The following PDE4D variants were observed in gnomAD, a reference collection of about 807,000 sequenced individuals.
PDE4D encodes the protein 3',5'-cyclic-AMP phosphodiesterase 4D.
PDE4D carries 24 observed loss-of-function variants against 87.4 expected under a neutral mutation model. The observed-to-expected ratio is 0.27, with a 90% confidence interval of 0.20 to 0.39. The LOEUF is 0.39. Ranked by LOEUF, PDE4D falls within the 10% of genes least tolerant of loss-of-function variation. The probability of loss-of-function intolerance (pLI) is 1.00; values close to 1 mark genes in which losing one functional copy is unlikely to be tolerated. For missense variants in PDE4D, 714 were observed against 1,041.0 expected, an observed-to-expected ratio of 0.69 and a Z score of 4.32; for synonymous variants, 384 against 383.2, an observed-to-expected ratio of 1.00 and a Z score of -0.02.
At chr5:59,660,889 A>T (rs1433718172) in intron 1 of PDE4D, among the ~76,000 whole-genome samples, 1 of 151,968 alleles carries the variant, frequency 6.6e-6, no homozygotes, top group Non-Finnish European at 1.5e-5. Flanking sequence ...AGCTATTTTT[A>T]AAAATACCAC....
At chr5:59,233,374 A>G (rs1297617931) in intron 1 of PDE4D, among the ~76,000 whole-genome samples, 1 of 152,220 alleles carries the variant, frequency 6.6e-6, no homozygotes, top group East Asian at 1.9e-4. Context: ...CTGAAGCAAA[A>G]TGACATTTTG....
At chr5:60,403,331 T>C (rs1293236682) in intron 1 of PDE4D, among the ~76,000 whole-genome samples, 1 of 152,230 alleles carries the variant, frequency 6.6e-6, no homozygotes, top group East Asian at 1.9e-4. Flanking sequence ...TGAGGTTGAA[T>C]AAGAGACTTT....
At chr5:58,987,646 A>C (rs111422550) in intron 11 of PDE4D, among the ~76,000 whole-genome samples, 1 of 5,504 alleles carries the variant, frequency 1.8e-4, no homozygotes, top group Non-Finnish European at 6.0e-4. Flanking sequence ...CAAAAATGAA[A>C]GAAAGGTGGA....
intron 1 of PDE4D, among the ~76,000 whole-genome samples, chr5:60,445,687 G>A (rs1745590035): frequency 6.6e-6 from 1 of 152,042 alleles, no homozygotes; most frequent in African/African-American, 2.4e-5. Context: ...TAAAGTTCCA[G>A]TTATGTAAAA....
chr5:60,002,970 T>C (rs1392839748), intron 2 of PDE4D, among the ~76,000 whole-genome samples: 2 of 152,110 alleles, frequency 1.3e-5, no homozygotes, highest in East Asian at 3.9e-4. Context: ...CAAATTAGAT[T>C]TGCAGATGAC....
At chr5:60,485,814 A>G (rs777260616) in intron 1 of PDE4D, among the ~76,000 whole-genome samples, 1 of 152,200 alleles carries the variant, frequency 6.6e-6, no homozygotes, top group Admixed American at 6.5e-5. Flanking sequence ...TTCACAAGTA[A>G]GAGATATGAC....
chr5:59,520,000 A>G (rs1811905880), intron 1 of PDE4D, among the ~76,000 whole-genome samples: 1 of 152,126 alleles, frequency 6.6e-6, no homozygotes, highest in Non-Finnish European at 1.5e-5. Context: ...GGTACCTCAC[A>G]CCTGTAATCC....
intron 1 of PDE4D, among the ~76,000 whole-genome samples, chr5:59,327,132 T>TAC (rs3061651): frequency 0.086 from 12,221 of 141,692 alleles, 572 homozygotes; most frequent in South Asian, 0.2. Context: ...GAAACAGAAA[T>TAC]ACACACACAC....
intron 1 of PDE4D, among the ~76,000 whole-genome samples, chr5:59,732,301 G>T (rs189584820): frequency 2.2e-4 from 33 of 151,704 alleles, no homozygotes; most frequent in Non-Finnish European, 4.0e-4. Flanking sequence ...CTGAAAACCT[G>T]TACATTAATC....
At chr5:59,249,645 T>C (rs1759533036) in intron 1 of PDE4D, among the ~76,000 whole-genome samples, 1 of 152,076 alleles carries the variant, frequency 6.6e-6, no homozygotes, top group African/African-American at 2.4e-5. Context: ...TTAAGTGATA[T>C]GGAAAAATGC....
At chr5:60,483,340 T>C (rs981751147) in intron 1 of PDE4D, among the ~76,000 whole-genome samples, 1 of 152,180 alleles carries the variant, frequency 6.6e-6, no homozygotes, top group African/African-American at 2.4e-5. Flanking sequence ...AGAAAATTAA[T>C]ATATTTCTAC....
intron 1 of PDE4D, among the ~76,000 whole-genome samples, chr5:59,539,748 A>G (rs1815960397): frequency 6.6e-6 from 1 of 152,164 alleles, no homozygotes; most frequent in Admixed American, 6.6e-5. Context: ...TTCAAAAATA[A>G]CAAAAATAAC....
At chr5:59,602,224 T>G (rs1168179525) in intron 1 of PDE4D, among the ~76,000 whole-genome samples, 2 of 152,038 alleles carry the variant, frequency 1.3e-5, no homozygotes, top group Non-Finnish European at 2.9e-5. Flanking sequence ...TGAACATCCT[T>G]TCATAATAAA....
rs555586235 is a variant in PDE4D, at chr5:59,639,411, GAAAAGACT to G, written c.455+253749_455+253756del. Among the ~76,000 whole-genome samples the G allele has an allele frequency of 6.5e-3, 982 of 152,176 alleles. 11 individuals carry two copies. Among genetic ancestry groups the G allele is most frequent in the African/African-American group, 0.023 (942 of 41,516 alleles). On this transcript the variant is annotated intron_variant, in intron 1 of 14. Coordinates refer to ENST00000340635, the MANE Select transcript of PDE4D (RefSeq NM_001104631.2). ...GTGGCGATGGCTGGGTTGGGGGAGA[GAAAAGACT>G]AAAAGACTAAGAAGCCCATAACCAA...
At chr5:59,434,750 C>CTTATATTAT (rs1796567762) in intron 1 of PDE4D, among the ~76,000 whole-genome samples, 1 of 152,056 alleles carries the variant, frequency 6.6e-6, no homozygotes, top group Non-Finnish European at 1.5e-5. Context: ...TCTTATATTC[C>CTTATATTAT]CTAGTACTGG....
At chr5:59,155,496 C>T (rs989313901) in intron 5 of PDE4D, among the ~76,000 whole-genome samples, 19 of 152,282 alleles carry the variant, frequency 1.2e-4, no homozygotes, top group African/African-American at 4.6e-4. Context: ...AGTCGTACTA[C>T]AGTGGACTGC....
intron 1 of PDE4D, among the ~76,000 whole-genome samples, chr5:59,374,884 T>A (rs1343578323): frequency 1.3e-5 from 2 of 152,230 alleles, no homozygotes; most frequent in East Asian, 3.9e-4. Flanking sequence ...CTCAAAACCA[T>A]GCAATTACAT....
At chr5:60,302,241 T>C (rs1753967360) in intron 1 of PDE4D, among the ~76,000 whole-genome samples, 1 of 152,152 alleles carries the variant, frequency 6.6e-6, no homozygotes, top group South Asian at 2.1e-4. Context: ...TCAGCAGAAA[T>C]AGTACCAGCT....
At chr5:59,094,218 A>G (rs1032562981) in intron 5 of PDE4D, among the ~76,000 whole-genome samples, 5 of 127,730 alleles carry the variant, frequency 3.9e-5, no homozygotes, top group African/African-American at 8.0e-5. Context: ...CTCCGTCTCA[A>G]AAAAAAAAAA....
Sources: allele counts gnomAD v4.1 joint callset (sites outside exome capture counted in the v4.1 genomes callset), GRCh38; gene constraint gnomAD v4.1.1; transcripts MANE v1.5; gene names NCBI Gene and HGNC (gene_info 2026-07-23, HGNC 2026-07-21).